DCDC1: variants seen among roughly 807,000 people sequenced by gnomAD.
DCDC1 encodes the protein doublecortin domain containing 1.
In DCDC1, 200 loss-of-function variants were observed where a neutral mutation model predicts 178.3. That is an observed-to-expected ratio of 1.12 (90% CI 1.00 to 1.26). DCDC1 has a LOEUF of 1.26. DCDC1 is among the 50% of genes most tolerant of loss of function. DCDC1 has a pLI of 0.00. For synonymous variants in DCDC1, 690 were observed against 604.8 expected (o/e 1.14, Z -2.07); for missense variants, 1,983 against 1,749.2 (o/e 1.13, Z -2.38).
At chr11:31,138,441 T>C (rs897477252) in intron 9 of DCDC1, among the ~76,000 whole-genome samples, 1 of 152,236 alleles carries the variant, frequency 6.6e-6, no homozygotes, top group Non-Finnish European at 1.5e-5. Context: ...AACATGCAAT[T>C]GTTATGTTTT....
chr11:31,008,470 A>T (rs1038307574), intron 20 of DCDC1, among the ~76,000 whole-genome samples: 1 of 152,190 alleles, frequency 6.6e-6, no homozygotes, highest in Admixed American at 6.5e-5. Flanking sequence ...TCAGGAGCTC[A>T]TCTGAAGCAC....
intron 1 of DCDC1, among the ~76,000 whole-genome samples, chr11:31,361,993 T>C (rs1951731966): frequency 6.6e-6 from 1 of 152,186 alleles, no homozygotes; most frequent in Non-Finnish European, 1.5e-5. Flanking sequence ...CCTAGAAATA[T>C]CTCATTCTAC....
chr11:30,904,934 A>G, intron 31 of DCDC1, 27 bp downstream of exon 31: 1 of 1,612,504 alleles, frequency 6.2e-7, no homozygotes, highest in Non-Finnish European at 8.5e-7. Context: ...TGAAGATGCA[A>G]GCAGCATTTA....
At chr11:31,152,608 G>A (rs1010456008) in intron 9 of DCDC1, among the ~76,000 whole-genome samples, 6 of 152,140 alleles carry the variant, frequency 3.9e-5, no homozygotes, top group African/African-American at 1.4e-4. Context: ...TCTCCTTTGT[G>A]TCACCAAAAC....
At chr11:31,073,164 G>A (rs1956670064) in intron 18 of DCDC1, among the ~76,000 whole-genome samples, 1 of 152,226 alleles carries the variant, frequency 6.6e-6, no homozygotes, top group African/African-American at 2.4e-5. Flanking sequence ...TTTGCTTTGG[G>A]AATTTAGAGT....
chr11:31,328,022 G>A (rs533995205), intron 3 of DCDC1, 95 bp downstream of exon 3: 12 of 1,265,610 alleles, frequency 9.5e-6, no homozygotes, highest in Non-Finnish European at 1.1e-5. Context: ...GAGCCACCTG[G>A]CCCGGCCAAG....
At chr11:30,986,372 C>T (rs1330729280) in intron 20 of DCDC1, among the ~76,000 whole-genome samples, 2 of 147,286 alleles carry the variant, frequency 1.4e-5, no homozygotes, top group African/African-American at 5.1e-5. Context: ...CTCGCTCTGT[C>T]GCCAGGCTGG....
At chr11:31,029,456 T>C (rs963878214) in intron 20 of DCDC1, among the ~76,000 whole-genome samples, 2 of 152,138 alleles carry the variant, frequency 1.3e-5, no homozygotes, top group Non-Finnish European at 2.9e-5. Context: ...AAGTAATATT[T>C]GCTATGATAT....
In DCDC1 at chr11:31,326,082, G is replaced by A. The variant is rs980114448; in HGVS notation, c.164+2035C>T. Among the ~76,000 whole-genome samples the A allele has an allele frequency of 2.0e-5, 3 of 152,012 alleles. No homozygotes were observed. The South Asian group carries it at 6.2e-4, about 32-fold the overall frequency. ...GAGCATTGTCTACAGCTTTCCATTT[G>A]ATTGCCAAGAAGAGGGTTACTTCAT... is the stretch of plus-strand genomic sequence containing the variant. On this transcript the variant is annotated intron_variant, in intron 3 of 38. Transcript: ENST00000684477.
At chr11:30,918,735 T>C (rs1946037056) in intron 25 of DCDC1, among the ~76,000 whole-genome samples, 1 of 152,086 alleles carries the variant, frequency 6.6e-6, no homozygotes, top group South Asian at 2.1e-4. Context: ...AGGTATGCAG[T>C]GAGTGAGGGG....
chr11:30,923,616 T>C (rs1334626642), intron 23 of DCDC1, among the ~76,000 whole-genome samples: 3 of 149,350 alleles, frequency 2.0e-5, no homozygotes, highest in African/African-American at 7.4e-5. Context: ...ATAATAATAA[T>C]AATAATTATT....
At chr11:31,274,173 T>C (rs141712818) in intron 7 of DCDC1, among the ~76,000 whole-genome samples, 2,438 of 152,240 alleles carry the variant, frequency 0.016, 39 homozygotes, top group South Asian at 0.026. Flanking sequence ...TTCACTGGGG[T>C]TTATCAAGAT....
At chr11:30,912,760 T>A (rs1280089423) in intron 27 of DCDC1, among the ~76,000 whole-genome samples, 1 of 152,180 alleles carries the variant, frequency 6.6e-6, no homozygotes, top group African/African-American at 2.4e-5. Flanking sequence ...TGCAAGTTTA[T>A]CCTTTCTTGG....
rs1008402389 is a variant in DCDC1, at chr11:30,949,842, A to G, written c.2715+2603T>C. 1.7e-4 allele frequency among the ~76,000 whole-genome samples: 21 copies of G among 122,568 alleles called. No individual in the cohort carries two copies. In the Middle Eastern group the frequency reaches 0.013, roughly 73 times the overall value. 80.4% of individuals were successfully genotyped at this position (122,568 alleles called of 152,430 possible). A position where few individuals can be genotyped will look rare whatever the true frequency, so the allele number is the denominator to read the frequency against. ...GACACAGGGAGGGGAACATCACACA[A>G]TGGGGCCTGTCGGGGGGTGGGGGCT... On this transcript the variant is annotated intron_variant, in intron 21 of 38. Coordinates refer to ENST00000684477, the MANE Select transcript of DCDC1 (RefSeq NM_001387274.1).
At chr11:31,359,891 A>C (rs1951619726) in intron 1 of DCDC1, among the ~76,000 whole-genome samples, 1 of 152,182 alleles carries the variant, frequency 6.6e-6, no homozygotes, top group African/African-American at 2.4e-5. Flanking sequence ...AACAGATCTG[A>C]ACTCAACTGA....
chr11:31,182,478 G>T (rs1045819865), intron 9 of DCDC1, among the ~76,000 whole-genome samples: 4 of 152,122 alleles, frequency 2.6e-5, no homozygotes, highest in African/African-American at 9.7e-5. Context: ...TGGCCAAATG[G>T]AGCTTCATAA....
chr11:30,961,921 A>T (rs894715496), intron 20 of DCDC1, among the ~76,000 whole-genome samples: 2 of 152,058 alleles, frequency 1.3e-5, no homozygotes, highest in African/African-American at 4.8e-5. Flanking sequence ...CAAATTTGGA[A>T]CTACATGCAC....
At chr11:31,004,977 T>G (rs1283955660) in intron 20 of DCDC1, among the ~76,000 whole-genome samples, 1 of 152,216 alleles carries the variant, frequency 6.6e-6, no homozygotes, top group Non-Finnish European at 1.5e-5. Flanking sequence ...TGTTCAGTTC[T>G]TCCTGAACCC....
intron 27 of DCDC1, among the ~76,000 whole-genome samples, chr11:30,912,431 G>A (rs1188050707): frequency 6.6e-6 from 1 of 152,070 alleles, no homozygotes; most frequent in Non-Finnish European, 1.5e-5. Context: ...CTACAGGCAT[G>A]TGCCACTACG....
Sources: allele counts gnomAD v4.1 joint callset (sites outside exome capture counted in the v4.1 genomes callset), GRCh38; gene constraint gnomAD v4.1.1; transcripts MANE v1.5; gene names NCBI Gene and HGNC (gene_info 2026-07-23, HGNC 2026-07-21).